Variants in CARF observed in about 807,000 individuals in gnomAD.
CARF encodes calcium-responsive transcription factor.
Under a neutral mutation model 82.0 loss-of-function variants are expected in CARF, and 57 were observed. The ratio of observed to expected loss-of-function variants is 0.70; its 90% CI spans 0.56 to 0.87. CARF has a LOEUF of 0.87. Among genes scored for constraint, CARF ranks in the 40% least tolerant of loss-of-function variants. CARF has a pLI of 0.00. For synonymous variants in CARF, 268 were observed against 290.1 expected (o/e 0.92, Z 0.77); for missense variants, 771 against 855.8 (o/e 0.90, Z 1.24).
chr2:202,960,854 C>CAT (rs1008941229), intron 8 of CARF, among the ~76,000 whole-genome samples: 9 of 150,018 alleles, frequency 6.0e-5, no homozygotes, highest in African/African-American at 9.7e-5. Context: ...AAATCAGTTT[C>CAT]AGTAAAGGAG....
chr2:202,956,762 C>T (rs780192814), intron 8 of CARF, among the ~76,000 whole-genome samples: 11 of 151,954 alleles, frequency 7.2e-5, no homozygotes, highest in African/African-American at 1.2e-4. Flanking sequence ...TCTTGCTTTC[C>T]CACATTTAGG....
chr2:202,943,603 C>CACACAT (rs1355868348), intron 5 of CARF, among the ~76,000 whole-genome samples: 2 of 143,998 alleles, frequency 1.4e-5, no homozygotes, highest in Admixed American at 1.4e-4. Flanking sequence ...CACACACACA[C>CACACAT]ACACACACAC....
chr2:202,983,602 A>C lies in CARF; in HGVS notation c.2156A>C (p.Tyr719Ser), dbSNP rs745337606. 3 of 1,599,582 alleles carry C rather than the reference A, an allele frequency of 1.9e-6. No homozygotes were observed. The highest frequency in any genetic ancestry group is 1.7e-4 in the Middle Eastern group (1 of 6,052). Residue 719 changes from tyrosine to serine, a missense_variant, in exon 17 of 17, where the codon TAT (tyrosine) becomes TCT (serine). Tyr to Ser is a moderately radical substitution (Grantham distance 144). Transcript: ENST00000438828. ...LSMEAKKTVDYKKLSAT is the reference protein window; with the variant it reads ...LSMEAKKTVDSKKLSAT ...ATGGAAGCAAAAAAAACTGTGGACT[A>C]TAAGAAATTATCTGCTACATAAATT...
intron 12 of CARF, among the ~76,000 whole-genome samples, chr2:202,972,210 ATAATTATATAAG>A (rs2059816806): frequency 6.6e-6 from 1 of 151,848 alleles, no homozygotes; most frequent in Non-Finnish European, 1.5e-5. Context: ...GGAAATAATA[ATAATTATATAAG>A]TAATTATATA....
At chr2:202,977,387 G>A in intron 14 of CARF, 55 bp downstream of exon 14, 1 of 1,332,106 alleles carries the variant, frequency 7.5e-7, no homozygotes, top group South Asian at 1.2e-5. Context: ...TTAACTGGAA[G>A]GAACTTAAGA....
chr2:202,943,687 G>A lies in CARF; in HGVS notation c.306+720G>A, dbSNP rs565882289. 2.7e-5 allele frequency among the ~76,000 whole-genome samples: 4 copies of A among 145,946 alleles called. No homozygotes were observed. The South Asian group carries it at 6.5e-4, about 24-fold the overall frequency. On this transcript the variant is annotated intron_variant, in intron 5 of 16. Coordinates refer to ENST00000438828, the MANE Select transcript of CARF (RefSeq NM_024744.17). Reference sequence around the variant, plus strand: ...TTCTGAGATGGAGTCTTGCTCTGTCGCCAAGGCTGGAGTACAGTGGCCCGA... The same window carrying A: ...TTCTGAGATGGAGTCTTGCTCTGTCACCAAGGCTGGAGTACAGTGGCCCGA...
At chr2:202,939,266 T>TA (rs1281864215) in intron 3 of CARF, among the ~76,000 whole-genome samples, 1 of 152,218 alleles carries the variant, frequency 6.6e-6, no homozygotes, top group African/African-American at 2.4e-5. Context: ...GATTTTCCAC[T>TA]TTATGATGGT....
At chr2:202,931,605 A>G (rs1692949365) in intron 3 of CARF, among the ~76,000 whole-genome samples, 1 of 152,218 alleles carries the variant, frequency 6.6e-6, no homozygotes, top group Non-Finnish European at 1.5e-5. Flanking sequence ...GTAGCTTTGT[A>G]GAGAAAGACA....
At chr2:202,928,070 A>G (rs1692196365) in intron 3 of CARF, among the ~76,000 whole-genome samples, 1 of 152,128 alleles carries the variant, frequency 6.6e-6, no homozygotes, top group Admixed American at 6.5e-5. Flanking sequence ...GGCATGAGCA[A>G]CCGCACTCTG....
At chr2:202,969,431 C>T (rs1413792314) in intron 10 of CARF, among the ~76,000 whole-genome samples, 1 of 151,714 alleles carries the variant, frequency 6.6e-6, no homozygotes, top group Non-Finnish European at 1.5e-5. Context: ...CAAAATTAGC[C>T]GGGAGTGGTG....
rs1277181320 is a variant in CARF, at chr2:202,986,969, T to C, written c.*3345T>C. The C allele has an allele frequency of 6.9e-6, 1 of 145,910 alleles. No homozygotes were observed. Among genetic ancestry groups the C allele is most frequent in the Non-Finnish European group, 1.5e-5 (1 of 66,336 alleles). 9.0% of individuals were successfully genotyped at this position (145,910 alleles called of 1,614,324 possible). The stretch of plus-strand genomic sequence containing the variant: ...TTTTTTCATTAAAAATCCTGCTTTT[T>C]TTTTATACTTGTTAGTTTTCTTTTT... On this transcript the variant is annotated 3_prime_UTR_variant, in exon 17 of 17. Coordinates refer to ENST00000438828, the MANE Select transcript of CARF (RefSeq NM_024744.17).
At chr2:202,949,505 TTTG>T (rs2058655650) in intron 5 of CARF, among the ~76,000 whole-genome samples, 1 of 144,136 alleles carries the variant, frequency 6.9e-6, no homozygotes, top group African/African-American at 2.6e-5. Context: ...AATATGACTT[TTTG>T]TTATTTATTT....
At chr2:202,935,297 ATTATAT>A (rs1483665834) in intron 3 of CARF, among the ~76,000 whole-genome samples, 14 of 121,228 alleles carry the variant, frequency 1.2e-4, no homozygotes, top group Non-Finnish European at 1.7e-4. Context: ...ACTTATATAT[ATTATAT>A]TTATATTTAT....
At chr2:202,954,442 C>T (rs1210810051) in intron 7 of CARF, among the ~76,000 whole-genome samples, 3 of 152,048 alleles carry the variant, frequency 2.0e-5, no homozygotes, top group African/African-American at 7.2e-5. Context: ...TGGCCAGGTG[C>T]GGTGGCTCAC....
At chr2:202,946,336 A>G (rs2058495948) in intron 5 of CARF, among the ~76,000 whole-genome samples, 1 of 152,220 alleles carries the variant, frequency 6.6e-6, no homozygotes, top group African/African-American at 2.4e-5. Flanking sequence ...GGCCTCAGAA[A>G]TAACACGACA....
intron 2 of CARF, among the ~76,000 whole-genome samples, chr2:202,918,488 C>T (rs530166552): frequency 6.6e-6 from 1 of 152,012 alleles, no homozygotes; most frequent in Non-Finnish European, 1.5e-5. Flanking sequence ...GCAGTGAGTG[C>T]CACTGCACTC....
intron 5 of CARF, among the ~76,000 whole-genome samples, chr2:202,949,361 A>G (rs1375096232): frequency 6.6e-6 from 1 of 150,744 alleles, no homozygotes; most frequent in East Asian, 1.9e-4. Flanking sequence ...AAAAAAAGAG[A>G]TATGTCTCAC....
intron 10 of CARF, among the ~76,000 whole-genome samples, chr2:202,968,333 C>T (rs956635054): frequency 5.3e-5 from 8 of 152,030 alleles, no homozygotes; most frequent in Non-Finnish European, 1.2e-4. Flanking sequence ...ATCCAGGAAA[C>T]GGAGGTTGCA....
intron 6 of CARF, among the ~76,000 whole-genome samples, chr2:202,953,345 C>A (rs2058845241): frequency 6.6e-6 from 1 of 151,848 alleles, no homozygotes; most frequent in Non-Finnish European, 1.5e-5. Flanking sequence ...TTTTTATTAG[C>A]CATGTGACTC....
Sources: gnomAD v4.1 joint callset for allele counts (sites outside exome capture counted in the v4.1 genomes callset) on GRCh38, gnomAD v4.1.1 for gene constraint, MANE v1.5 for transcripts, NCBI Gene and HGNC (gene_info 2026-07-23, HGNC 2026-07-21) for gene names.